TNFRSF14: variants seen among roughly 807,000 people sequenced by gnomAD.
TNFRSF14 encodes TNF receptor superfamily member 14.
A neutral mutation model predicts 34.1 loss-of-function variants in TNFRSF14; 18 were observed. The observed-to-expected ratio is 0.53, with a 90% CI of 0.36 to 0.78. TNFRSF14 has a LOEUF of 0.78. Ranked by LOEUF, TNFRSF14 falls within the 30% of genes least tolerant of loss-of-function variation. The pLI is 0.00. For missense variants in TNFRSF14, 352 were observed against 379.5 expected (o/e 0.93, Z 0.60); for synonymous variants, 157 against 153.2 (o/e 1.02, Z -0.18).
Position 2,556,495 on chromosome 1 carries a change from G to T in TNFRSF14, c.-170G>T. The T allele has an allele frequency of 1.3e-6, 1 of 742,482 alleles. No individual in the cohort carries two copies. The highest frequency in any genetic ancestry group is 2.4e-6 in the Non-Finnish European group (1 of 419,694). 46.0% of individuals were successfully genotyped at this position (742,482 alleles called of 1,614,324 possible). A position where few individuals can be genotyped will look rare whatever the true frequency, so the allele number is the denominator to read the frequency against. The stretch of plus-strand genomic sequence containing the variant: ...TCTCTGCTGCCAGACACCCCCTGCT[G>T]CCCACTCTCCTGCTGCTCGGGTTCT... On this transcript the variant is annotated 5_prime_UTR_variant, in exon 1 of 8. Transcript: ENST00000355716.
intron 3 of TNFRSF14, chr1:2,558,781 G>A (rs1306046595): frequency 7.7e-6 from 10 of 1,305,296 alleles, no homozygotes; most frequent in African/African-American, 3.0e-5. Context: ...CTGTGCCCAC[G>A]TCCCTAGCTG....
At chr1:2,558,952 C>G in intron 3 of TNFRSF14, 2 of 1,365,988 alleles carry the variant, frequency 1.5e-6, no homozygotes, top group Non-Finnish European at 1.9e-6. Context: ...TCCAGGCAGA[C>G]AGAAAGGGGA....
chr1:2,560,829 G>C, intron 5 of TNFRSF14, 115 bp downstream of exon 5: 2 of 918,992 alleles, frequency 2.2e-6, no homozygotes, highest in Non-Finnish European at 3.4e-6. Context: ...CACCCTGAGC[G>C]GCACCCTGGT....
chr1:2,556,175 C>G (rs537216200), upstream of TNFRSF14: 2 of 408,430 alleles, frequency 4.9e-6, no homozygotes, highest in African/African-American at 4.1e-5. Flanking sequence ...GAGATGGGAA[C>G]AGGAAACCCA....
intron 2 of TNFRSF14, 90 bp downstream of exon 2, chr1:2,557,924 C>T (rs991099754): frequency 2.7e-6 from 3 of 1,103,682 alleles, no homozygotes; most frequent in African/African-American, 3.1e-5. Context: ...TGTTCTCTGC[C>T]CCCACAGCCA....
Position 2,559,830 on chromosome 1 carries a change from C to T in TNFRSF14, c.312C>T (p.Gly104=), listed in dbSNP as rs1187288022. ...CCTCCTCTTGGACTCCAGCCATGGG[C>T]CTGCGCGCGAGCCGGAACTGCTCCA... The part of the protein sequence containing the change: ...LQCQMCDPAM[G]LRASRNCSRT... The change falls in exon 4 of 8, where the codon GGC becomes GGT. Residue 104 remains glycine, a synonymous_variant. Coordinates refer to ENST00000355716, the MANE Select transcript of TNFRSF14 (RefSeq NM_003820.4). 3 of 1,607,218 alleles carry T rather than the reference C, an allele frequency of 1.9e-6. No individual in the cohort carries two copies. Among genetic ancestry groups the T allele is most frequent in the Admixed American group, 1.7e-5 (1 of 59,328 alleles).
chr1:2,562,927 C>A (rs148926321), intron 7 of TNFRSF14, 31 bp downstream of exon 7: 46 of 1,596,274 alleles, frequency 2.9e-5, no homozygotes, highest in Middle Eastern at 3.3e-4. Flanking sequence ...CTCCCTCCCC[C>A]CTCCACCTTC....
intron 6 of TNFRSF14, 23 bp from the exon 7 acceptor site, chr1:2,562,842 A>T: frequency 1.9e-6 from 3 of 1,613,722 alleles, no homozygotes; most frequent in Non-Finnish European, 2.5e-6. Context: ...CCCCTCCCTG[A>T]CCTGTGTGTC....
intron 5 of TNFRSF14, 101 bp downstream of exon 5, chr1:2,560,815 G>A: frequency 9.1e-7 from 1 of 1,104,852 alleles, no homozygotes; most frequent in Non-Finnish European, 1.3e-6. Flanking sequence ...AGGCTTGAAG[G>A]TCCCACCCTG....
At chr1:2,562,264 GC>G (rs1023143683) in intron 6 of TNFRSF14, 3 of 222,902 alleles carry the variant, frequency 1.3e-5, no homozygotes, top group Admixed American at 5.2e-5. Flanking sequence ...CCTGTGCTGT[GC>G]CTGGCCTCCT....
Position 2,563,155 on chromosome 1 carries a change from G to C in TNFRSF14, c.734G>C (p.Arg245Thr), listed in dbSNP as rs780334058. 6.2e-7 allele frequency: 1 copy of C among 1,613,460 alleles called. No individual in the cohort carries two copies. The highest frequency in any genetic ancestry group is 1.7e-5 in the Admixed American group (1 of 60,022). Residue 245 changes from arginine (R) to threonine (T), a missense_variant, in exon 8 of 8, where the codon AGA becomes ACA. Arg to Thr is a moderately conservative substitution (Grantham distance 71). Transcript: ENST00000355716. Reference protein sequence around the residue: ...VKVIVSVQRKRQEAEGEATVI... With the variant: ...VKVIVSVQRKTQEAEGEATVI... ...CGATTCGTGTGCTCACAGCGGAAAA[G>C]ACAGGAGGCAGAAGGTGAGGCCACA...
In TNFRSF14 at chr1:2,556,628, T is replaced by C. The variant is rs1388079861; in HGVS notation, c.-37T>C. ...GTTCCTCTGCTGGAGTTCATCCTGC[T>C]AGCTGGGTTCCCGAGCTGCCGGTCT... On this transcript the variant is annotated 5_prime_UTR_variant, in exon 1 of 8. Coordinates refer to ENST00000355716, the MANE Select transcript of TNFRSF14 (RefSeq NM_003820.4). 1 of 1,598,034 alleles carries C rather than the reference T, an allele frequency of 6.3e-7. No individual in the cohort carries two copies. The highest frequency in any genetic ancestry group is 8.5e-7 in the Non-Finnish European group (1 of 1,170,588).
In TNFRSF14 at chr1:2,563,458, A is replaced by T. The variant is rs1189470814; in HGVS notation, c.*185A>T. On this transcript the variant is annotated 3_prime_UTR_variant, in exon 8 of 8. Transcript: ENST00000355716. Reference sequence around the variant, plus strand: ...GGTAGAGCTGGGGACGCCACGTGCCATTCCCATGGGCCAGTGAGGGCCTGG... The same window carrying T: ...GGTAGAGCTGGGGACGCCACGTGCCTTTCCCATGGGCCAGTGAGGGCCTGG... The T allele has an allele frequency of 1.1e-6, 1 of 926,124 alleles. No individual in the cohort carries two copies. Among genetic ancestry groups the T allele is most frequent in the East Asian group, 2.6e-5 (1 of 37,744 alleles). The allele number at this position is 926,124 out of a possible 1,614,324, so 57.4% of individuals were successfully genotyped here.
intron 2 of TNFRSF14, 86 bp downstream of exon 2, chr1:2,557,920 C>T (rs958988813): frequency 8.8e-7 from 1 of 1,137,380 alleles, no homozygotes; most frequent in Non-Finnish European, 1.3e-6. Flanking sequence ...CCTGTGTTCT[C>T]TGCCCCCACA....
chr1:2,558,835 G>A (rs777200640), intron 3 of TNFRSF14: 12 of 1,320,998 alleles, frequency 9.1e-6, no homozygotes, highest in South Asian at 1.4e-5. Flanking sequence ...GCCGGCACTC[G>A]GGCCTGCTGC....
intron 6 of TNFRSF14, 64 bp from the exon 7 acceptor site, chr1:2,562,801 C>T: frequency 1.2e-6 from 2 of 1,604,118 alleles, no homozygotes; most frequent in Middle Eastern, 1.7e-4. Context: ...GAGACCATTG[C>T]CATGAGCCTG....
At chr1:2,559,725 GCCCTGGCAGCAGT>G in intron 3 of TNFRSF14, 85 bp from the exon 4 acceptor site, 1 of 1,538,140 alleles carries the variant, frequency 6.5e-7, no homozygotes, top group Non-Finnish European at 8.7e-7. Flanking sequence ...CTGGCAGGGC[GCCCTGGCAGCAGT>G]CCTTGGCCTG....
Position 2,561,887 on chromosome 1 carries a change from C to G in TNFRSF14, c.694+72C>G. Reference sequence around the variant, plus strand: ...CTCTTGGAGCTCTGTCACCCCAAGCCTGGGAGGTGGCCCCAGAGCTTTTCC... The same window carrying G: ...CTCTTGGAGCTCTGTCACCCCAAGCGTGGGAGGTGGCCCCAGAGCTTTTCC... On this transcript the variant is annotated intron_variant, in intron 6 of 7. Coordinates refer to ENST00000355716, the MANE Select transcript of TNFRSF14 (RefSeq NM_003820.4). The surrounding 1 kb of genome is among the most constrained non-coding windows in gnomAD (Gnocchi z 6.0). 6.6e-7 allele frequency: 1 copy of G among 1,506,624 alleles called. No homozygotes were observed. Among genetic ancestry groups the G allele is most frequent in the East Asian group, 2.3e-5 (1 of 44,122 alleles). The allele number at this position is 1,506,624 out of a possible 1,614,324, so 93.3% of individuals were successfully genotyped here.
upstream of TNFRSF14, among the ~76,000 whole-genome samples, chr1:2,554,529 C>G (rs1237208154): frequency 6.6e-6 from 1 of 152,074 alleles, no homozygotes; most frequent in South Asian, 2.1e-4. This position sits in a 1 kb window ranked among gnomAD's most constrained non-coding sequence, Gnocchi z 4.2. Context: ...CAGAGAAGGC[C>G]TCAAGGAAGA....
Sources: gnomAD v4.1 joint callset for allele counts (sites outside exome capture counted in the v4.1 genomes callset) on GRCh38, gnomAD v4.1.1 for gene constraint, Gnocchi (gnomAD v3.1) non-coding constraint, MANE v1.5 for transcripts, NCBI Gene and HGNC (gene_info 2026-07-23, HGNC 2026-07-21) for gene names.